The following SLC16A7 variants were observed in gnomAD, a reference collection of about 807,000 sequenced individuals.
The protein encoded by SLC16A7 is monocarboxylate transporter 2.
Under a neutral mutation model 34.9 loss-of-function variants are expected in SLC16A7, and 33 were observed. That is an observed-to-expected ratio of 0.94 (90% CI 0.72 to 1.26). The LOEUF is 1.26. SLC16A7 is among the 50% of genes most tolerant of loss of function. The pLI, the probability that SLC16A7 is intolerant of heterozygous loss-of-function variation, is 0.00. For synonymous variants in SLC16A7, 201 were observed against 206.6 expected (o/e 0.97, Z 0.23); for missense variants, 573 against 578.1 (o/e 0.99, Z 0.09).
At chr12:59,664,309 G>A (rs1180353140) in intron 2 of SLC16A7, among the ~76,000 whole-genome samples, 1 of 152,044 alleles carries the variant, frequency 6.6e-6, no homozygotes, top group Non-Finnish European at 1.5e-5. Context: ...AACGAAGATG[G>A]TACTAATGAT....
At chr12:59,717,488 C>G (rs1483849520) in intron 3 of SLC16A7, among the ~76,000 whole-genome samples, 1 of 152,200 alleles carries the variant, frequency 6.6e-6, no homozygotes, top group East Asian at 1.9e-4. Context: ...CACTGCTTCT[C>G]ACGAGAAATA....
At chr12:59,671,785 G>GTATA (rs1311219487) in intron 2 of SLC16A7, among the ~76,000 whole-genome samples, 2 of 139,740 alleles carry the variant, frequency 1.4e-5, no homozygotes, top group Non-Finnish European at 3.0e-5. Flanking sequence ...ATATATATGT[G>GTATA]TATATGTATA....
At chr12:59,668,582 T>C (rs1245814720) in intron 2 of SLC16A7, among the ~76,000 whole-genome samples, 1 of 152,204 alleles carries the variant, frequency 6.6e-6, no homozygotes, top group Non-Finnish European at 1.5e-5. Flanking sequence ...TAACTTGCTT[T>C]TGATTTTACA....
At chr12:59,648,251 C>A (rs1379220458) in intron 1 of SLC16A7, among the ~76,000 whole-genome samples, 3 of 152,088 alleles carry the variant, frequency 2.0e-5, no homozygotes, top group African/African-American at 7.2e-5. Flanking sequence ...GTAGTGGTAT[C>A]AATCTGTACA....
intron 1 of SLC16A7, among the ~76,000 whole-genome samples, chr12:59,616,406 C>T (rs1879451603): frequency 6.6e-6 from 1 of 152,120 alleles, no homozygotes; most frequent in South Asian, 2.1e-4. Context: ...GGCCATTAAA[C>T]ATACCTAAAT....
intron 3 of SLC16A7, among the ~76,000 whole-genome samples, chr12:59,705,949 G>T (rs551326638): frequency 6.6e-6 from 1 of 152,142 alleles, no homozygotes; most frequent in African/African-American, 2.4e-5. Context: ...CCAGTATTTA[G>T]TAATATTTAC....
intron 1 of SLC16A7, among the ~76,000 whole-genome samples, chr12:59,608,541 A>C (rs1353810576): frequency 6.6e-6 from 1 of 152,192 alleles, no homozygotes; most frequent in Non-Finnish European, 1.5e-5. Flanking sequence ...TGTAGGCCGC[A>C]TTAGCATCTG....
chr12:59,638,495 G>A (rs1880535331), intron 1 of SLC16A7, among the ~76,000 whole-genome samples: 3 of 152,126 alleles, frequency 2.0e-5, no homozygotes, highest in Admixed American at 2.0e-4. Flanking sequence ...TTCATTAGTG[G>A]TTGACCCAAG....
rs1488143733 is a variant in SLC16A7 at position 59,785,439 on chromosome 12, G to A, written c.*5760G>A. ...AAGAGCAAAATTAATATTGCAAAATGAATTTTTGATTTTACAGAAGCATAT... is the reference window on the plus strand; with the variant it reads ...AAGAGCAAAATTAATATTGCAAAATAAATTTTTGATTTTACAGAAGCATAT... On this transcript the variant is annotated 3_prime_UTR_variant, in exon 6 of 6. Coordinates refer to ENST00000547379, the MANE Select transcript of SLC16A7 (RefSeq NM_001270623.2). 6.6e-6 allele frequency: 1 copy of A among 152,074 alleles called. No homozygotes were observed. Among genetic ancestry groups the A allele is most frequent in the African/African-American group, 2.4e-5 (1 of 41,438 alleles). 9.4% of individuals were successfully genotyped at this position (152,074 alleles called of 1,614,324 possible).
intron 2 of SLC16A7, among the ~76,000 whole-genome samples, chr12:59,667,204 G>T (rs139859146): frequency 6.6e-6 from 1 of 152,142 alleles, no homozygotes; most frequent in African/African-American, 2.4e-5. Flanking sequence ...ACAACACGTG[G>T]GAATTCTGGG....
intron 3 of SLC16A7, among the ~76,000 whole-genome samples, chr12:59,732,254 TA>T (rs557538720): frequency 1.3e-5 from 2 of 150,374 alleles, no homozygotes; most frequent in Non-Finnish European, 1.5e-5. Flanking sequence ...CTATCTCTAC[TA>T]AAAAAAAACA....
chr12:59,624,780 ATATG>A (rs1443481317), intron 1 of SLC16A7, among the ~76,000 whole-genome samples: 1 of 149,682 alleles, frequency 6.7e-6, no homozygotes, highest in African/African-American at 2.5e-5. Flanking sequence ...GTGTCTATCT[ATATG>A]TGTGTGTACT....
intron 2 of SLC16A7, among the ~76,000 whole-genome samples, chr12:59,667,337 C>T (rs1335906941): frequency 6.6e-6 from 1 of 152,222 alleles, no homozygotes; most frequent in Non-Finnish European, 1.5e-5. Flanking sequence ...GCTCAGAAGA[C>T]AGTAAGATGT....
chr12:59,741,210 A>C (rs1878294716), intron 3 of SLC16A7, among the ~76,000 whole-genome samples: 1 of 152,168 alleles, frequency 6.6e-6, no homozygotes, highest in African/African-American at 2.4e-5. Context: ...GGAAAAAACT[A>C]CTTTAAAGTT....
At chr12:59,675,724 G>T (rs1870254451) in intron 2 of SLC16A7, among the ~76,000 whole-genome samples, 2 of 152,154 alleles carry the variant, frequency 1.3e-5, no homozygotes, top group East Asian at 3.9e-4. Flanking sequence ...TCTGTGTAGG[G>T]ATTATACATT....
At position 59,788,996 on chromosome 12, in the gene SLC16A7, C is replaced by G. The variant is rs1415192091; in HGVS notation, c.*9317C>G. 6.6e-6 allele frequency: 1 copy of G among 151,984 alleles called. No homozygotes were observed. Among genetic ancestry groups the G allele is most frequent in the Non-Finnish European group, 1.5e-5 (1 of 67,932 alleles). The allele number at this position is 151,984 out of a possible 1,614,324, so 9.4% of individuals were successfully genotyped here. ...TTTAAAAAAATCTTGGTTGTAGTTT[C>G]TAATTTTCACTGCATAACAAATTTG... is the stretch of plus-strand genomic sequence containing the variant. On this transcript the variant is annotated 3_prime_UTR_variant, in exon 6 of 6. Transcript: ENST00000547379.
At chr12:59,743,760 A>C (rs1878589067) in intron 3 of SLC16A7, among the ~76,000 whole-genome samples, 1 of 152,354 alleles carries the variant, frequency 6.6e-6, no homozygotes, top group East Asian at 1.9e-4. Context: ...TTTGAAAATG[A>C]GGAATTTTTA....
intron 1 of SLC16A7, among the ~76,000 whole-genome samples, chr12:59,611,434 T>C (rs776897649): frequency 1.2e-4 from 18 of 152,114 alleles, no homozygotes; most frequent in Non-Finnish European, 2.2e-4. Flanking sequence ...TATCACTAGG[T>C]CCCTAACATG....
At chr12:59,739,012 T>G (rs1195848861) in intron 3 of SLC16A7, among the ~76,000 whole-genome samples, 1 of 134,554 alleles carries the variant, frequency 7.4e-6, no homozygotes, top group African/African-American at 2.9e-5. Context: ...GGTGTAAATT[T>G]TTTTTTCATT....
Sources: allele counts gnomAD v4.1 joint callset (sites outside exome capture counted in the v4.1 genomes callset), GRCh38; gene constraint gnomAD v4.1.1; transcripts MANE v1.5; gene names NCBI Gene and HGNC (gene_info 2026-07-23, HGNC 2026-07-21).